Variants in PRRG4 observed in about 807,000 individuals in gnomAD.
PRRG4 encodes proline rich and Gla domain 4.
PRRG4 carries 12 observed loss-of-function variants against 20.0 expected under a neutral mutation model. The ratio of observed to expected loss-of-function variants is 0.60; its 90% CI spans 0.38 to 0.97. The LOEUF (loss-of-function observed/expected upper bound fraction) is 0.97. Ranked by LOEUF, PRRG4 falls within the 50% of genes least tolerant of loss-of-function variation. PRRG4 has a pLI of 0.00. For synonymous variants in PRRG4, 94 were observed against 96.4 expected (o/e 0.98, Z 0.15); for missense variants, 199 against 265.1 (o/e 0.75, Z 1.73).
upstream of PRRG4, chr11:32,829,923 C>G: frequency 2.0e-6 from 2 of 985,602 alleles, no homozygotes; most frequent in South Asian, 9.4e-5. Flanking sequence ...CGCCTCCTCC[C>G]GTCCTCCGTC....
chr11:32,853,177 T>G (rs1453952444), intron 5 of PRRG4, 119 bp from the exon 6 acceptor site: 1 of 706,432 alleles, frequency 1.4e-6, no homozygotes, highest in Non-Finnish European at 2.4e-6. Context: ...AAAATAAAAC[T>G]GTTATATTAA....
rs1447843954 is a variant in PRRG4 at position 32,840,367 on chromosome 11, T to C, written c.449+128T>C. 3.6e-5 allele frequency: 25 copies of C among 694,684 alleles called. No homozygotes were observed. In the East Asian group the frequency reaches 6.2e-4, roughly 17 times the overall value. 43.0% of individuals were successfully genotyped at this position (694,684 alleles called of 1,614,324 possible). A position where few individuals can be genotyped will look rare whatever the true frequency, so the allele number is the denominator to read the frequency against. On this transcript the variant is annotated intron_variant, in intron 5 of 5. Transcript: ENST00000257836. The surrounding 1 kb of genome is among the most constrained non-coding windows in gnomAD (Gnocchi z 4.1). The stretch of plus-strand genomic sequence containing the variant: ...TTATTTTGGAAGAATTTTAGATGTA[T>C]AGGGAAGTTGCAAAGGTTAATACAG...
intron 3 of PRRG4, among the ~76,000 whole-genome samples, chr11:32,837,565 T>G (rs1438597882): frequency 2.0e-4 from 29 of 143,794 alleles, no homozygotes; most frequent in African/African-American, 6.0e-4. Context: ...TTATTATTAT[T>G]ATTATTATTA....
In PRRG4 at chr11:32,840,226, C is replaced by T. The variant is rs1337880756; in HGVS notation, c.436C>T (p.Leu146=). ...YYLCITKCNR[L]QHPCSSAVYE... ...TCTTTGTATCACTAAGTGTAATAGG[C>T]TACAACATCCATGGTAAGTACTAAG... The change falls in exon 5 of 6, where the codon CTA becomes TTA. Residue 146 remains leucine, a synonymous_variant. Coordinates refer to ENST00000257836, the MANE Select transcript of PRRG4 (RefSeq NM_024081.6). The surrounding 1 kb of genome is among the most constrained non-coding windows in gnomAD (Gnocchi z 4.1). 8.8e-6 allele frequency: 14 copies of T among 1,592,174 alleles called. No homozygotes were observed. The highest frequency in any genetic ancestry group is 1.0e-5 in the Non-Finnish European group (12 of 1,163,804).
At chr11:32,842,128 G>A (rs1240145639) in intron 5 of PRRG4, among the ~76,000 whole-genome samples, 3 of 152,232 alleles carry the variant, frequency 2.0e-5, no homozygotes, top group Admixed American at 2.0e-4. Flanking sequence ...TTGGTTTAAA[G>A]TTTTTCTTCA....
chr11:32,839,699 T>G (rs1434316947), intron 4 of PRRG4, among the ~76,000 whole-genome samples: 2 of 145,312 alleles, frequency 1.4e-5, no homozygotes, highest in Non-Finnish European at 3.0e-5. Flanking sequence ...GTATTATATT[T>G]TGAATATTAT....
chr11:32,853,584 G>A lies in PRRG4; in HGVS notation c.*57G>A. 1 of 1,348,660 alleles carries A rather than the reference G, an allele frequency of 7.4e-7. No homozygotes were observed. The highest frequency in any genetic ancestry group is 1.0e-6 in the Non-Finnish European group (1 of 955,360). 83.5% of individuals were successfully genotyped at this position (1,348,660 alleles called of 1,614,324 possible). The stretch of plus-strand genomic sequence containing the variant: ...GTTATTTGATAGGCCGGGCATGGTG[G>A]CTCATGCCTGTAATCCCAGCACTTT... On this transcript the variant is annotated 3_prime_UTR_variant, in exon 6 of 6. Transcript: ENST00000257836.
chr11:32,837,039 T>C (rs1851026417), intron 3 of PRRG4, among the ~76,000 whole-genome samples: 1 of 152,202 alleles, frequency 6.6e-6, no homozygotes, highest in East Asian at 1.9e-4. Context: ...ACTGTTGTGA[T>C]TTTGTGTGTT....
chr11:32,843,094 C>T (rs575246823), intron 5 of PRRG4, among the ~76,000 whole-genome samples: 2 of 152,164 alleles, frequency 1.3e-5, no homozygotes, highest in African/African-American at 2.4e-5. Context: ...CCATCTGCTT[C>T]GGCCTCCCAA....
At chr11:32,830,396 C>A (rs1850956318) in intron 1 of PRRG4, 112 bp from the exon 2 acceptor site, 4 of 967,596 alleles carry the variant, frequency 4.1e-6, no homozygotes, top group Non-Finnish European at 4.2e-6. Flanking sequence ...GCGCGCCGGG[C>A]GCTCTTGCGC....
In PRRG4 at chr11:32,831,388, A is replaced by G. The variant is rs140958919; in HGVS notation, c.103+756A>G. ...ACATTCCTGTCTCTTATCCCTTCTC[A>G]TCAGATCCGATTCTCAGCTCATTTT... On this transcript the variant is annotated intron_variant, in intron 2 of 5. Transcript: ENST00000257836. Among the ~76,000 whole-genome samples the G allele has an allele frequency of 1.7e-3, 252 of 152,244 alleles. No individual in the cohort carries two copies. In the Middle Eastern group the frequency reaches 0.017, roughly 10 times the overall value.
intron 1 of PRRG4, 148 bp from the exon 2 acceptor site, chr11:32,830,360 C>T (rs1416910486): frequency 2.4e-6 from 2 of 825,742 alleles, no homozygotes; most frequent in Non-Finnish European, 3.4e-6. Flanking sequence ...TTCCTGGGCG[C>T]GCGTCGGGTT....
rs1336015772 is a variant in PRRG4 at position 32,840,185 on chromosome 11, G to T, written c.395G>T (p.Gly132Val). 6.2e-7 allele frequency: 1 copy of T among 1,608,074 alleles called. No individual in the cohort carries two copies. Among genetic ancestry groups the T allele is most frequent in the Non-Finnish European group, 8.5e-7 (1 of 1,175,224 alleles). ...IAAGVFLVIF[G>V]LLGYYLCITK... ...GCTGGAGTATTTTTGGTTATTTTTGGATTACTTGGCTACTATCTTTGTATC... is the reference window on the plus strand; with the variant it reads ...GCTGGAGTATTTTTGGTTATTTTTGTATTACTTGGCTACTATCTTTGTATC... Residue 132 changes from glycine (G) to valine (V), a missense_variant, in exon 5 of 6, where the codon GGA (glycine) becomes GTA (valine). Gly to Val is a moderately radical substitution (Grantham distance 109). Transcript: ENST00000257836. This position sits in a 1 kb window ranked among gnomAD's most constrained non-coding sequence, Gnocchi z 4.1.
chr11:32,839,778 A>G (rs1317364621), intron 4 of PRRG4, among the ~76,000 whole-genome samples: 1 of 146,660 alleles, frequency 6.8e-6, no homozygotes, highest in African/African-American at 2.5e-5. Flanking sequence ...AAATATAAAT[A>G]TATTTTGAAT....
At chr11:32,845,509 G>T (rs890558596) in intron 5 of PRRG4, among the ~76,000 whole-genome samples, 1 of 152,022 alleles carries the variant, frequency 6.6e-6, no homozygotes. Context: ...GCGGGTGCCT[G>T]TAGTCCCAGC....
intron 5 of PRRG4, among the ~76,000 whole-genome samples, chr11:32,842,305 G>T (rs1851086623): frequency 6.6e-6 from 1 of 152,148 alleles, no homozygotes; most frequent in African/African-American, 2.4e-5. Flanking sequence ...AAAGAGGAAT[G>T]AAAGGAATAG....
chr11:32,835,462 T>C (rs572719135), intron 2 of PRRG4, among the ~76,000 whole-genome samples: 2 of 152,224 alleles, frequency 1.3e-5, no homozygotes, highest in Non-Finnish European at 2.9e-5. Context: ...TAATATGATC[T>C]GAAGCAAAAT....
chr11:32,837,724 AT>A (rs1416856719), intron 3 of PRRG4, among the ~76,000 whole-genome samples: 1 of 151,642 alleles, frequency 6.6e-6, no homozygotes, highest in African/African-American at 2.4e-5. Flanking sequence ...CGCCTGGCTA[AT>A]TTTTTGTATT....
chr11:32,847,008 T>G (rs898128419), intron 5 of PRRG4, among the ~76,000 whole-genome samples: 8 of 141,396 alleles, frequency 5.7e-5, no homozygotes, highest in African/African-American at 7.9e-5. Flanking sequence ...AAAAAAAAAA[T>G]AAAGAAAGAA....
Sources: gnomAD v4.1 joint callset for allele counts (sites outside exome capture counted in the v4.1 genomes callset) on GRCh38, gnomAD v4.1.1 for gene constraint, Gnocchi (gnomAD v3.1) non-coding constraint, MANE v1.5 for transcripts, NCBI Gene and HGNC (gene_info 2026-07-23, HGNC 2026-07-21) for gene names.